The following ABCC9 variants were observed in gnomAD, a reference collection of about 807,000 sequenced individuals.
The protein encoded by ABCC9 is ATP binding cassette subfamily C member 9.
ABCC9 carries 95 observed loss-of-function variants against 188.3 expected under a neutral mutation model. That is an observed-to-expected ratio of 0.50 (90% CI 0.43 to 0.60). The LOEUF is 0.60. Ranked by LOEUF, ABCC9 falls within the 20% of genes least tolerant of loss-of-function variation. The pLI, the probability that ABCC9 is intolerant of heterozygous loss-of-function variation, is 0.00. For synonymous variants in ABCC9, 659 were observed against 652.7 expected (o/e 1.01, Z -0.15); for missense variants, 1,102 against 1,876.3 (o/e 0.59, Z 7.62).
intron 12 of ABCC9, among the ~76,000 whole-genome samples, chr12:21,896,870 G>A (rs1947456940): frequency 6.6e-6 from 1 of 152,148 alleles, no homozygotes; most frequent in African/African-American, 2.4e-5. Flanking sequence ...GAATAGTGCT[G>A]CAATAAACAT....
chr12:21,835,877 C>G (rs377145447), intron 30 of ABCC9, among the ~76,000 whole-genome samples: 34 of 152,270 alleles, frequency 2.2e-4, no homozygotes, highest in African/African-American at 8.2e-4. Flanking sequence ...TCATTACTAC[C>G]TGTACATGTT....
chr12:21,909,092 T>TA (rs1245189325), intron 10 of ABCC9, among the ~76,000 whole-genome samples: 4 of 151,830 alleles, frequency 2.6e-5, no homozygotes, highest in Non-Finnish European at 5.9e-5. Flanking sequence ...AGATATCCAA[T>TA]AAAAACAAAA....
intron 15 of ABCC9, among the ~76,000 whole-genome samples, chr12:21,884,212 C>T (rs968681957): frequency 1.1e-4 from 16 of 151,894 alleles, no homozygotes; most frequent in African/African-American, 3.6e-4. Flanking sequence ...GCTGAGACTA[C>T]AGGTGCATTT....
intron 39 of ABCC9, among the ~76,000 whole-genome samples, chr12:21,803,481 C>A (rs1166331513): frequency 6.6e-6 from 1 of 151,734 alleles, no homozygotes; most frequent in Admixed American, 6.6e-5. Context: ...AATGAAGAAA[C>A]CCCATCTCTA....
chr12:21,917,985 T>C (rs962500753), intron 5 of ABCC9, among the ~76,000 whole-genome samples: 2 of 151,790 alleles, frequency 1.3e-5, no homozygotes, highest in Non-Finnish European at 2.9e-5. Flanking sequence ...ATGAACTCAA[T>C]GTGTATCTTG....
chr12:21,818,025 AT>A, intron 32 of ABCC9, 124 bp downstream of exon 32: 5 of 582,380 alleles, frequency 8.6e-6, no homozygotes, highest in Non-Finnish European at 1.3e-5. Context: ...CCACCCCCCA[AT>A]AGGCCCTGGT....
Position 21,908,209 on chromosome 12 carries a change from G to C in ABCC9, c.1323C>G (p.Ile441Met), listed in dbSNP as rs755739683. 1 of 1,612,232 alleles carries C rather than the reference G, an allele frequency of 6.2e-7. No individual in the cohort carries two copies. Residue 441 changes from isoleucine (I) to methionine (M), a missense_variant and splice_region_variant, in exon 11 of 40, where the codon ATC becomes ATG. Ile to Met is a conservative substitution (Grantham distance 10, BLOSUM62 1). This residue lies in a region of ABCC9 where 305 missense variants were observed against 573.0 expected (regional missense o/e 0.53). Transcript: ENST00000261200. ...TATAGAGCAGAATCACGCCCATTAT[G>C]ATCTAGAGAGAAAAACACATGGAAA... Reference protein sequence around the residue: ...CPNLWAMPVQIIMGVILLYNL... With the variant: ...CPNLWAMPVQMIMGVILLYNL...
chr12:21,837,960 C>T, intron 30 of ABCC9, 118 bp downstream of exon 30: 6 of 872,008 alleles, frequency 6.9e-6, no homozygotes, highest in Non-Finnish European at 9.4e-6. Flanking sequence ...TTTAGTACAC[C>T]ATCAGGCACA....
intron 20 of ABCC9, among the ~76,000 whole-genome samples, chr12:21,861,589 G>A (rs1367350562): frequency 1.3e-5 from 2 of 152,062 alleles, no homozygotes; most frequent in African/African-American, 2.4e-5. Context: ...AAAAATATAC[G>A]ATGAAAGTTT....
At chr12:21,831,322 C>T (rs1943748574) in intron 30 of ABCC9, 1 of 152,028 alleles carries the variant, frequency 6.6e-6, no homozygotes, top group East Asian at 1.9e-4. Context: ...CTTTTTTGTA[C>T]TTGCTAGGTA....
chr12:21,811,440 T>G (rs2137144128), intron 36 of ABCC9, among the ~76,000 whole-genome samples: 1 of 152,320 alleles, frequency 6.6e-6, no homozygotes, highest in African/African-American at 2.4e-5. Context: ...GTGTACAAAC[T>G]TGGTTTAAGT....
intron 31 of ABCC9, among the ~76,000 whole-genome samples, chr12:21,819,214 A>G (rs902048142): frequency 1.3e-5 from 2 of 152,176 alleles, no homozygotes; most frequent in African/African-American, 2.4e-5. Context: ...TGTGTCACAC[A>G]TCCCCAAAGC....
intron 22 of ABCC9, 91 bp from the exon 23 acceptor site, chr12:21,852,596 G>A: frequency 7.0e-7 from 1 of 1,424,364 alleles, no homozygotes; most frequent in Non-Finnish European, 9.8e-7. Flanking sequence ...AAATAACTAA[G>A]GGCAAATCAT....
At chr12:21,867,574 A>G (rs1239474982) in intron 18 of ABCC9, among the ~76,000 whole-genome samples, 1 of 152,188 alleles carries the variant, frequency 6.6e-6, no homozygotes, top group African/African-American at 2.4e-5. Flanking sequence ...CAGGAATGAC[A>G]TTTGGAAGAA....
At chr12:21,818,524 ATATGTGTGTG>A (rs1198926398) in intron 31 of ABCC9, among the ~76,000 whole-genome samples, 4 of 125,034 alleles carry the variant, frequency 3.2e-5, no homozygotes, top group African/African-American at 9.4e-5. Flanking sequence ...AGATATATAT[ATATGTGTGTG>A]TGTGTGTGTG....
chr12:21,820,795 C>G (rs1320871485), intron 31 of ABCC9, among the ~76,000 whole-genome samples: 1 of 152,132 alleles, frequency 6.6e-6, no homozygotes, highest in Non-Finnish European at 1.5e-5. Flanking sequence ...GTCTTCCTTT[C>G]TTGGTTCCTA....
intron 15 of ABCC9, among the ~76,000 whole-genome samples, chr12:21,883,521 A>C (rs1453992871): frequency 1.3e-5 from 2 of 152,154 alleles, no homozygotes; most frequent in Non-Finnish European, 2.9e-5. Flanking sequence ...TCTTTCCTTT[A>C]TAAATTACCC....
At chr12:21,844,363 G>A in intron 28 of ABCC9, 120 bp downstream of exon 28, 2 of 811,468 alleles carry the variant, frequency 2.5e-6, no homozygotes, top group Admixed American at 2.0e-5. Flanking sequence ...ATACAAATGG[G>A]CCTTTATTTA....
In ABCC9 at chr12:21,916,971, A is replaced by G; in HGVS notation, c.539T>C (p.Leu180Ser). 6.2e-7 allele frequency: 1 copy of G among 1,613,840 alleles called. No individual in the cohort carries two copies. Among genetic ancestry groups the G allele is most frequent in the East Asian group, 2.2e-5 (1 of 44,860 alleles). Residue 180 changes from leucine to serine, a missense_variant, in exon 6 of 40, where the codon TTG becomes TCG. By Grantham distance (145) the Leu-to-Ser change is moderately radical. This residue lies in a region of ABCC9 where 305 missense variants were observed against 573.0 expected (regional missense o/e 0.53). Transcript: ENST00000261200. ...AATGACATTGATCTCCACAGCCATC[A>G]AGAGCCCATTCAAGATGACCATCAT... ...TGMMVILNGL[L>S]MAVEINVIRV...
Sources: gnomAD v4.1 joint callset for allele counts (sites outside exome capture counted in the v4.1 genomes callset) on GRCh38, gnomAD v4.1.1 for gene constraint, gnomAD v4.1.1 regional missense constraint, MANE v1.5 for transcripts, NCBI Gene and HGNC (gene_info 2026-07-23, HGNC 2026-07-21) for gene names.